Variants in IKZF1 observed in about 807,000 individuals in gnomAD.
IKZF1 encodes the protein IKAROS family zinc finger 1.
IKZF1 carries 10 observed loss-of-function variants against 51.7 expected under a neutral mutation model. The ratio of observed to expected loss-of-function variants is 0.19; its 90% CI spans 0.12 to 0.33. IKZF1 has a LOEUF of 0.33. Ranked by LOEUF, IKZF1 falls within the 10% of genes least tolerant of loss-of-function variation. The pLI, the probability that IKZF1 is intolerant of heterozygous loss-of-function variation, is 1.00. For synonymous variants in IKZF1, 280 were observed against 282.3 expected, an observed-to-expected ratio of 0.99 and a Z score of 0.08; for missense variants, 484 against 707.5, an observed-to-expected ratio of 0.68 and a Z score of 3.58.
Position 50,403,361 on chromosome 7 carries a change from T to C in IKZF1, c.*2734T>C, listed in dbSNP as rs539083536. 4.5e-6 allele frequency: 1 copy of C among 223,414 alleles called. No homozygotes were observed. The highest frequency in any genetic ancestry group is 1.8e-4 in the South Asian group (1 of 5,454). 13.8% of individuals were successfully genotyped at this position (223,414 alleles called of 1,614,324 possible). A position where few individuals can be genotyped will look rare whatever the true frequency, so the allele number is the denominator to read the frequency against. ...TTGCGTAGTTTCTTCTGTTGTATGA[T>C]GGCGTGAGTGTGTGTCTTGGGTACC... On this transcript the variant is annotated 3_prime_UTR_variant, in exon 8 of 8. Coordinates refer to ENST00000331340, the MANE Select transcript of IKZF1 (RefSeq NM_006060.6).
intron 1 of IKZF1, 33 bp from the exon 2 acceptor site, chr7:50,319,015 C>G (rs758113458): frequency 6.9e-7 from 1 of 1,450,518 alleles, no homozygotes; most frequent in Non-Finnish European, 9.7e-7. Flanking sequence ...AGTATTTTTG[C>G]TTTAAACTAA....
intron 3 of IKZF1, among the ~76,000 whole-genome samples, chr7:50,350,845 GC>G (rs1360429153): frequency 7.9e-5 from 12 of 152,210 alleles, no homozygotes; most frequent in Non-Finnish European, 1.6e-4. Context: ...CTTTATCCCT[GC>G]GTGCTGGCTT....
chr7:50,399,809 A>T, intron 7 of IKZF1, 109 bp from the exon 8 acceptor site: 3 of 1,474,340 alleles, frequency 2.0e-6, no homozygotes, highest in South Asian at 2.7e-5. Flanking sequence ...CTGGGCCCCC[A>T]GGCCGTGTTC....
At chr7:50,316,416 G>A (rs573404940) in intron 1 of IKZF1, among the ~76,000 whole-genome samples, 4 of 152,298 alleles carry the variant, frequency 2.6e-5, no homozygotes, top group Admixed American at 6.5e-5. Flanking sequence ...TCCATGCTGG[G>A]GCAGGAGTGG....
intron 6 of IKZF1, among the ~76,000 whole-genome samples, chr7:50,390,410 T>A (rs1399923136): frequency 6.6e-6 from 1 of 152,254 alleles, no homozygotes; most frequent in Non-Finnish European, 1.5e-5. Flanking sequence ...GGCCTATATA[T>A]GTTTGCCCAT....
At chr7:50,365,915 C>T (rs974402023) in intron 3 of IKZF1, among the ~76,000 whole-genome samples, 15 of 152,162 alleles carry the variant, frequency 9.9e-5, no homozygotes, top group African/African-American at 3.6e-4. Context: ...AAATGTGGTA[C>T]ATATACCCCA....
intron 6 of IKZF1, among the ~76,000 whole-genome samples, chr7:50,388,303 C>T (rs910624864): frequency 2.8e-4 from 42 of 152,186 alleles, no homozygotes; most frequent in African/African-American, 7.7e-4. Context: ...CGAAATTTAA[C>T]GAATGGAGGA....
intron 3 of IKZF1, among the ~76,000 whole-genome samples, chr7:50,339,855 A>G (rs1392552811): frequency 6.6e-6 from 1 of 152,164 alleles, no homozygotes; most frequent in Non-Finnish European, 1.5e-5. Flanking sequence ...GGGCTGAATT[A>G]TTTTTAAATG....
chr7:50,385,281 T>A (rs901791151), intron 5 of IKZF1, among the ~76,000 whole-genome samples: 2 of 152,110 alleles, frequency 1.3e-5, no homozygotes, highest in African/African-American at 4.8e-5. Context: ...ATAAGGACTT[T>A]GGCCTTGCTC....
chr7:50,332,481 T>C (rs964954091), intron 3 of IKZF1, among the ~76,000 whole-genome samples: 30,895 of 151,582 alleles, frequency 0.2, 3,839 homozygotes, highest in African/African-American at 0.36. Context: ...TTTGGGTGGG[T>C]GGAACAGAGG....
intron 3 of IKZF1, chr7:50,367,921 A>G (rs1807442166): frequency 1.6e-6 from 1 of 606,506 alleles, no homozygotes; most frequent in African/African-American, 1.9e-5. Flanking sequence ...TCTTTTTTAA[A>G]AAAAAGTAAT....
chr7:50,375,054 G>C (rs545385423), intron 3 of IKZF1, among the ~76,000 whole-genome samples: 4 of 151,866 alleles, frequency 2.6e-5, no homozygotes, highest in Admixed American at 2.6e-4. Flanking sequence ...TGTGCTTCTA[G>C]TAAGTTCTCA....
rs1818121157 is a variant in IKZF1, at chr7:50,401,497, C to G, written c.*870C>G. 4.5e-6 allele frequency: 1 copy of G among 224,656 alleles called. No individual in the cohort carries two copies. The highest frequency in any genetic ancestry group is 2.2e-5 in the African/African-American group (1 of 44,978). 13.9% of individuals were successfully genotyped at this position (224,656 alleles called of 1,614,324 possible). A position where few individuals can be genotyped will look rare whatever the true frequency, so the allele number is the denominator to read the frequency against. The stretch of plus-strand genomic sequence containing the variant: ...AAATCTGTCACTACAATTTAAACAC[C>G]AGTCCCGAAATTTGGATCTTCTTTC... On this transcript the variant is annotated 3_prime_UTR_variant, in exon 8 of 8. Transcript: ENST00000331340.
intron 7 of IKZF1, 73 bp downstream of exon 7, chr7:50,391,936 G>A (rs2153501633): frequency 1.4e-6 from 2 of 1,475,560 alleles, no homozygotes; most frequent in Admixed American, 2.5e-5. Context: ...GAAATGAGTT[G>A]AGGGTGGAAG....
intron 3 of IKZF1, among the ~76,000 whole-genome samples, chr7:50,330,951 T>G (rs1796329600): frequency 6.6e-6 from 1 of 152,156 alleles, no homozygotes; most frequent in South Asian, 2.1e-4. Context: ...CTCTCCTCCC[T>G]GGCCTGGAGC....
intron 3 of IKZF1, among the ~76,000 whole-genome samples, chr7:50,372,536 CT>C (rs1462660972): frequency 2.6e-5 from 4 of 152,256 alleles, no homozygotes; most frequent in African/African-American, 9.6e-5. Flanking sequence ...ACAGGTTCCT[CT>C]GTCCTTTCCC....
intron 3 of IKZF1, among the ~76,000 whole-genome samples, chr7:50,335,675 G>A (rs1313230880): frequency 6.6e-6 from 1 of 150,528 alleles, no homozygotes; most frequent in Non-Finnish European, 1.5e-5. Context: ...TGTATGGGAA[G>A]CGTGGTATGT....
chr7:50,355,507 C>T (rs867102863), intron 3 of IKZF1, among the ~76,000 whole-genome samples: 10 of 152,198 alleles, frequency 6.6e-5, no homozygotes, highest in Admixed American at 1.3e-4. Flanking sequence ...CCACTGGAAA[C>T]CCTGTGCCCA....
At chr7:50,351,509 C>T (rs12719041) in intron 3 of IKZF1, among the ~76,000 whole-genome samples, 58 of 152,254 alleles carry the variant, frequency 3.8e-4, no homozygotes, top group Admixed American at 1.4e-3. Context: ...GAGATTTGTG[C>T]GCTTTGAACA....
Sources: gnomAD v4.1 joint callset for allele counts (sites outside exome capture counted in the v4.1 genomes callset) on GRCh38, gnomAD v4.1.1 for gene constraint, MANE v1.5 for transcripts, NCBI Gene and HGNC (gene_info 2026-07-23, HGNC 2026-07-21) for gene names.